CDK5RAP2: variants seen among roughly 807,000 people sequenced by gnomAD.
The protein encoded by CDK5RAP2 is CDK5 regulatory subunit associated protein 2, also known as CDK5 regulatory subunit-associated protein 2.
In CDK5RAP2, 147 loss-of-function variants were observed where a neutral mutation model predicts 232.9. That is an observed-to-expected ratio of 0.63 (90% confidence interval 0.55 to 0.72). The LOEUF is 0.72. Ranked by LOEUF, CDK5RAP2 falls within the 30% of genes least tolerant of loss-of-function variation. The pLI, the probability that CDK5RAP2 is intolerant of heterozygous loss-of-function variation, is 0.00. For synonymous variants in CDK5RAP2, 833 were observed against 833.7 expected (o/e 1.00, Z 0.01); for missense variants, 2,195 against 2,231.5 (o/e 0.98, Z 0.33).
At chr9:120,531,855 C>T (rs2131931934) in intron 7 of CDK5RAP2, among the ~76,000 whole-genome samples, 1 of 152,248 alleles carries the variant, frequency 6.6e-6, no homozygotes, top group South Asian at 2.1e-4. Context: ...AGTGCAATGC[C>T]CCAGAAAACC....
intron 27 of CDK5RAP2, among the ~76,000 whole-genome samples, chr9:120,415,698 T>G (rs1372299310): frequency 6.6e-6 from 1 of 152,262 alleles, no homozygotes; most frequent in African/African-American, 2.4e-5. Flanking sequence ...CTTATTAGCA[T>G]GAGTATAAAT....
chr9:120,563,341 G>A (rs1278886899), intron 3 of CDK5RAP2, among the ~76,000 whole-genome samples: 1 of 152,178 alleles, frequency 6.6e-6, no homozygotes, highest in Non-Finnish European at 1.5e-5. Context: ...ACAGGAAGCT[G>A]TCGATCACAC....
Position 120,469,832 on chromosome 9 carries a change from A to G in CDK5RAP2, c.1968+279T>C, listed in dbSNP as rs146113113. On this transcript the variant is annotated intron_variant, in intron 17 of 37. Coordinates refer to ENST00000349780, the MANE Select transcript of CDK5RAP2 (RefSeq NM_018249.6). Reference sequence around the variant, plus strand: ...GATTAGGTACAAAAAAAAGAGGTGAACAGCCTGACGGAAAAGTGGCTAACT... The same window carrying G: ...GATTAGGTACAAAAAAAAGAGGTGAGCAGCCTGACGGAAAAGTGGCTAACT... Among the ~76,000 whole-genome samples the G allele has an allele frequency of 6.8e-3, 1,030 of 152,354 alleles. 10 individuals carry two copies. The highest frequency in any genetic ancestry group is 0.023 in the African/African-American group (949 of 41,578).
At chr9:120,520,521 T>TA (rs1316303138) in intron 11 of CDK5RAP2, among the ~76,000 whole-genome samples, 1 of 152,124 alleles carries the variant, frequency 6.6e-6, no homozygotes, top group Non-Finnish European at 1.5e-5. Context: ...CATGTGCCTG[T>TA]AGTCCCAGCT....
At chr9:120,540,074 A>T (rs908967437) in intron 5 of CDK5RAP2, among the ~76,000 whole-genome samples, 2 of 152,256 alleles carry the variant, frequency 1.3e-5, no homozygotes, top group Non-Finnish European at 2.9e-5. Context: ...TTACTCTAAC[A>T]TAAAACACAG....
chr9:120,491,467 T>G lies in CDK5RAP2; in HGVS notation c.1322A>C (p.Asn441Thr). 1.9e-6 allele frequency: 3 copies of G among 1,609,524 alleles called. No homozygotes were observed. Among genetic ancestry groups the G allele is most frequent in the Non-Finnish European group, 2.5e-6 (3 of 1,177,668 alleles). The stretch of plus-strand genomic sequence containing the variant: ...TTCATTGCGTAATTTTTCAACTTCA[T>G]TTCTAAGATCCTACCAGAAGAAAAT... ...KGDCTIRDLRNEVEKLRNEVN... is the reference protein window; with the variant it reads ...KGDCTIRDLRTEVEKLRNEVN... The change falls in exon 13 of 38, where the codon AAT (asparagine) becomes ACT (threonine). Residue 441 changes from asparagine (N) to threonine (T), a missense_variant. By Grantham distance (65) the Asn-to-Thr change is moderately conservative. Coordinates refer to ENST00000349780, the MANE Select transcript of CDK5RAP2 (RefSeq NM_018249.6).
intron 21 of CDK5RAP2, 67 bp downstream of exon 21, chr9:120,453,389 A>T: frequency 1.4e-6 from 2 of 1,427,638 alleles, no homozygotes; most frequent in Non-Finnish European, 1.9e-6. Flanking sequence ...TGGTGAGATT[A>T]AAGGTGATTT....
At chr9:120,543,024 T>C (rs1347888970) in intron 5 of CDK5RAP2, among the ~76,000 whole-genome samples, 1 of 152,170 alleles carries the variant, frequency 6.6e-6, no homozygotes, top group African/African-American at 2.4e-5. Flanking sequence ...TTAGCATCCA[T>C]GAACTGTGTT....
rs570795709 is a variant in CDK5RAP2 at position 120,427,809 on chromosome 9, T to C, written c.3956-5068A>G. The stretch of plus-strand genomic sequence containing the variant: ...TTTGATCAACAGAATATACATTTTT[T>C]TCAGCACCACACCATACCTATTCCA... On this transcript the variant is annotated intron_variant, in intron 25 of 37. Transcript: ENST00000349780. 2.0e-5 allele frequency among the ~76,000 whole-genome samples: 3 copies of C among 152,302 alleles called. No individual in the cohort carries two copies. In the East Asian group the frequency reaches 5.8e-4, roughly 29 times the overall value.
rs56032707 is a variant in CDK5RAP2 at position 120,518,165 on chromosome 9, C to CTGTGTG, written c.1311+256_1311+261dup. On this transcript the variant is annotated intron_variant, in intron 12 of 37. Transcript: ENST00000349780. ...CTGTATTTTCAACTCGATAACAACTCTGTGTGTGTGTGTGTGTGTGTGTGT... is the reference window on the plus strand; with the variant it reads ...CTGTATTTTCAACTCGATAACAACTCTGTGTGTGTGTGTGTGTGTGTGTGTGTGTGT... Among the ~76,000 whole-genome samples, 6,701 of 111,026 alleles carry CTGTGTG rather than the reference C, an allele frequency of 0.06. 231 individuals are homozygous for CTGTGTG. Among genetic ancestry groups the CTGTGTG allele is most frequent in the African/African-American group, 0.08 (2,416 of 30,328 alleles). 72.8% of individuals were successfully genotyped at this position (111,026 alleles called of 152,430 possible). A position where few individuals can be genotyped will look rare whatever the true frequency, so the allele number is the denominator to read the frequency against.
At chr9:120,567,640 T>A (rs1159997464) in intron 3 of CDK5RAP2, among the ~76,000 whole-genome samples, 4 of 152,176 alleles carry the variant, frequency 2.6e-5, no homozygotes, top group African/African-American at 9.7e-5. Context: ...CTGGAAGACA[T>A]CAAGCATTGA....
intron 1 of CDK5RAP2, among the ~76,000 whole-genome samples, chr9:120,575,435 T>C (rs951628542): frequency 2.6e-5 from 4 of 152,214 alleles, no homozygotes; most frequent in African/African-American, 9.7e-5. Flanking sequence ...TATCTTGCTC[T>C]ATTGCTACCG....
intron 12 of CDK5RAP2, among the ~76,000 whole-genome samples, chr9:120,513,889 C>A (rs1172084333): frequency 6.6e-6 from 1 of 152,180 alleles, no homozygotes; most frequent in Non-Finnish European, 1.5e-5. Flanking sequence ...AAATAAGGAG[C>A]CTAGTTACCA....
chr9:120,426,164 C>T (rs1465580101), intron 25 of CDK5RAP2, among the ~76,000 whole-genome samples: 1 of 152,204 alleles, frequency 6.6e-6, no homozygotes, highest in Non-Finnish European at 1.5e-5. Context: ...TTAACCATGA[C>T]ATGCATGCCC....
At chr9:120,540,410 C>G (rs1270087434) in intron 5 of CDK5RAP2, among the ~76,000 whole-genome samples, 1 of 152,186 alleles carries the variant, frequency 6.6e-6, no homozygotes. Flanking sequence ...GCCATGTGAT[C>G]TCTCATATGT....
At chr9:120,469,734 T>G (rs757514244) in intron 17 of CDK5RAP2, among the ~76,000 whole-genome samples, 1 of 152,214 alleles carries the variant, frequency 6.6e-6, no homozygotes, top group East Asian at 1.9e-4. Context: ...GTTTAAGATG[T>G]TCACAGCCTA....
chr9:120,535,379 G>C (rs564533291), intron 7 of CDK5RAP2, among the ~76,000 whole-genome samples: 1 of 152,348 alleles, frequency 6.6e-6, no homozygotes, highest in African/African-American at 2.4e-5. Flanking sequence ...AGTAAAAGCA[G>C]ACAAGAGTTG....
rs543434338 is a variant in CDK5RAP2 at position 120,453,536 on chromosome 9, C to A, written c.2713G>T (p.Ala905Ser). 6.2e-7 allele frequency: 1 copy of A among 1,614,146 alleles called. No homozygotes were observed. Among genetic ancestry groups the A allele is most frequent in the Non-Finnish European group, 8.5e-7 (1 of 1,180,048 alleles). The change falls in exon 21 of 38, where the codon GCA (alanine) becomes TCA (serine). Residue 905 changes from alanine (A) to serine (S), a missense_variant. By Grantham distance (99) the Ala-to-Ser change is moderately conservative (BLOSUM62 1). Coordinates refer to ENST00000349780, the MANE Select transcript of CDK5RAP2 (RefSeq NM_018249.6). ...EEKPINTALS[A>S]EHRPENLHGV... ...TGCAGGTTCTCTGGCCGATGCTCTGCGCTGAGTGCAGTGTTGATCGGTTTC... is the reference window on the plus strand; with the variant it reads ...TGCAGGTTCTCTGGCCGATGCTCTGAGCTGAGTGCAGTGTTGATCGGTTTC...
At chr9:120,496,626 G>A (rs2039267633) in intron 12 of CDK5RAP2, among the ~76,000 whole-genome samples, 4 of 147,076 alleles carry the variant, frequency 2.7e-5, no homozygotes, top group African/African-American at 5.1e-5. Flanking sequence ...CTGCCCGGCC[G>A]CCCCTACTGG....
Sources: allele counts gnomAD v4.1 joint callset (sites outside exome capture counted in the v4.1 genomes callset), GRCh38; gene constraint gnomAD v4.1.1; transcripts MANE v1.5; gene names NCBI Gene and HGNC (gene_info 2026-07-23, HGNC 2026-07-21).